THRB: variants seen among roughly 807,000 people sequenced by gnomAD.
THRB encodes the protein nuclear receptor subfamily 1 group A member 2.
THRB carries 12 observed loss-of-function variants against 47.8 expected under a neutral mutation model. The ratio of observed to expected loss-of-function variants is 0.25; its 90% CI spans 0.16 to 0.41. The LOEUF (loss-of-function observed/expected upper bound fraction) is 0.41. Among genes scored for constraint, THRB ranks in the 10% least tolerant of loss-of-function variants. The probability of loss-of-function intolerance (pLI) is 1.00; values close to 1 mark genes in which losing one functional copy is unlikely to be tolerated. For missense variants in THRB, 348 were observed against 589.2 expected, an observed-to-expected ratio of 0.59 and a Z score of 4.24; for synonymous variants, 218 against 212.2, an observed-to-expected ratio of 1.03 and a Z score of -0.24.
At chr3:24,387,065 C>G (rs182657321) in intron 1 of THRB, among the ~76,000 whole-genome samples, 2 of 152,252 alleles carry the variant, frequency 1.3e-5, no homozygotes, top group East Asian at 3.9e-4. Context: ...CCAGCATGCT[C>G]TCCATGGCTC....
chr3:24,430,534 CCA>C (rs2070279286), intron 1 of THRB, among the ~76,000 whole-genome samples: 1 of 151,900 alleles, frequency 6.6e-6, no homozygotes. Flanking sequence ...AAATTTATTA[CCA>C]CTGAACTCTA....
At chr3:24,253,119 TA>T (rs1301300512) in intron 3 of THRB, among the ~76,000 whole-genome samples, 1 of 152,194 alleles carries the variant, frequency 6.6e-6, no homozygotes, top group Non-Finnish European at 1.5e-5. Flanking sequence ...CACTCAGAGA[TA>T]ATGTACGTTT....
Position 24,152,599 on chromosome 3 carries a change from G to T in THRB, c.284-109C>A, listed in dbSNP as rs536124759. 5.7e-6 allele frequency: 4 copies of T among 707,334 alleles called. No homozygotes were observed. In the East Asian group the frequency reaches 8.1e-5, roughly 14 times the overall value. The allele number at this position is 707,334 out of a possible 1,614,324, so 43.8% of individuals were successfully genotyped here. On this transcript the variant is annotated intron_variant, in intron 5 of 10. Transcript: ENST00000646209. Reference sequence around the variant, plus strand: ...GACAAAATTGGCTTGCCAGGAAGAGGTAACAACAGTAAAGACTTAGTGAAA... The same window carrying T: ...GACAAAATTGGCTTGCCAGGAAGAGTTAACAACAGTAAAGACTTAGTGAAA...
At chr3:24,338,488 A>T (rs1022362514) in intron 1 of THRB, among the ~76,000 whole-genome samples, 1 of 152,208 alleles carries the variant, frequency 6.6e-6, no homozygotes, top group Non-Finnish European at 1.5e-5. Context: ...GAACCACGCT[A>T]ATCTATACCA....
chr3:24,471,381 C>A (rs1006095883), intron 1 of THRB, among the ~76,000 whole-genome samples: 2 of 152,180 alleles, frequency 1.3e-5, no homozygotes, highest in Non-Finnish European at 1.5e-5. Flanking sequence ...CTTAAATCTG[C>A]AATAGGGGTT....
chr3:24,147,440 T>C (rs1249682210), intron 6 of THRB, among the ~76,000 whole-genome samples: 1 of 152,228 alleles, frequency 6.6e-6, no homozygotes, highest in Non-Finnish European at 1.5e-5. Flanking sequence ...CCAGGTTTTC[T>C]ACCAAGTTTT....
intron 1 of THRB, among the ~76,000 whole-genome samples, chr3:24,445,291 A>G (rs2071956941): frequency 6.6e-6 from 1 of 152,078 alleles, no homozygotes; most frequent in African/African-American, 2.4e-5. Context: ...ATAAAGGATT[A>G]TGTAAAATAC....
chr3:24,368,267 C>T (rs546237498), intron 1 of THRB, among the ~76,000 whole-genome samples: 1 of 152,194 alleles, frequency 6.6e-6, no homozygotes, highest in South Asian at 2.1e-4. Context: ...CTTCACAGCA[C>T]CCTGGGGTCC....
chr3:24,164,911 C>T, intron 5 of THRB: 1 of 584,628 alleles, frequency 1.7e-6, no homozygotes, highest in Non-Finnish European at 3.1e-6. Flanking sequence ...TTTTTAATTT[C>T]AAATATTTAG....
chr3:24,473,608 T>C (rs1695014876), intron 1 of THRB, among the ~76,000 whole-genome samples: 2 of 152,210 alleles, frequency 1.3e-5, no homozygotes. Flanking sequence ...CAAAGGATTA[T>C]AAATCATTCT....
intron 8 of THRB, among the ~76,000 whole-genome samples, chr3:24,140,371 T>C (rs1372419210): frequency 1.3e-5 from 2 of 152,168 alleles, no homozygotes; most frequent in Non-Finnish European, 2.9e-5. Context: ...TGGGGATTGA[T>C]TGGCACAGCT....
At chr3:24,460,429 A>G (rs2073591948) in intron 1 of THRB, among the ~76,000 whole-genome samples, 1 of 152,190 alleles carries the variant, frequency 6.6e-6, no homozygotes, top group African/African-American at 2.4e-5. Context: ...CATTCAAACC[A>G]CTGTGTTGGG....
intron 2 of THRB, among the ~76,000 whole-genome samples, chr3:24,329,177 C>A (rs973056718): frequency 6.6e-6 from 1 of 152,074 alleles, no homozygotes; most frequent in Non-Finnish European, 1.5e-5. Flanking sequence ...ACTCCTGGCC[C>A]CAAAAGATCC....
At chr3:24,174,296 C>T (rs990310634) in intron 5 of THRB, among the ~76,000 whole-genome samples, 2 of 152,186 alleles carry the variant, frequency 1.3e-5, no homozygotes, top group East Asian at 1.9e-4. Flanking sequence ...TTGGACTTTT[C>T]GTTACAGCTT....
intron 4 of THRB, among the ~76,000 whole-genome samples, chr3:24,211,216 T>C (rs1055507652): frequency 4.2e-5 from 6 of 144,174 alleles, no homozygotes; most frequent in African/African-American, 1.7e-4. Flanking sequence ...AAAAAAAAGA[T>C]GGTGGGATTT....
At chr3:24,226,202 A>G (rs942573494) in intron 4 of THRB, among the ~76,000 whole-genome samples, 4 of 152,176 alleles carry the variant, frequency 2.6e-5, no homozygotes, top group South Asian at 2.1e-4. Flanking sequence ...AATAGCAGTA[A>G]TATTATCTAT....
intron 2 of THRB, among the ~76,000 whole-genome samples, chr3:24,297,661 C>T (rs544269286): frequency 4.6e-5 from 7 of 152,344 alleles, no homozygotes; most frequent in African/African-American, 1.4e-4. Context: ...TCACTGTTCT[C>T]GCCTGCTGTT....
intron 3 of THRB, among the ~76,000 whole-genome samples, chr3:24,276,681 A>G (rs762114139): frequency 6.3e-4 from 96 of 152,200 alleles, no homozygotes; most frequent in Non-Finnish European, 1.3e-3. Context: ...AGTGATGGAT[A>G]CGATTACATG....
At chr3:24,315,335 A>G (rs997544435) in intron 2 of THRB, among the ~76,000 whole-genome samples, 6 of 152,218 alleles carry the variant, frequency 3.9e-5, no homozygotes, top group African/African-American at 1.4e-4. Flanking sequence ...TCCAAGTCAG[A>G]TAGAATGAAG....
Sources: allele counts gnomAD v4.1 joint callset (sites outside exome capture counted in the v4.1 genomes callset), GRCh38; gene constraint gnomAD v4.1.1; transcripts MANE v1.5; gene names NCBI Gene and HGNC (gene_info 2026-07-23, HGNC 2026-07-21).